The following KPNA6 variants were observed in gnomAD, a reference collection of about 807,000 sequenced individuals.
KPNA6 encodes the protein importin subunit alpha-7.
KPNA6 carries 9 observed loss-of-function variants against 72.0 expected under a neutral mutation model. The ratio of observed to expected loss-of-function variants is 0.13; its 90% CI spans 0.08 to 0.22. The LOEUF is 0.22. Among genes scored for constraint, KPNA6 ranks in the 10% least tolerant of loss-of-function variants. The pLI, the probability that KPNA6 is intolerant of heterozygous loss-of-function variation, is 1.00. For missense variants in KPNA6, 374 were observed against 655.7 expected (o/e 0.57, Z 4.69); for synonymous variants, 219 against 242.1 (o/e 0.90, Z 0.89).
intron 1 of KPNA6, among the ~76,000 whole-genome samples, chr1:32,121,837 G>A (rs1441590714): frequency 6.6e-6 from 1 of 151,668 alleles, no homozygotes; most frequent in African/African-American, 2.4e-5. Context: ...ACCGGGCGTG[G>A]TGGTGTGTAC....
chr1:32,114,230 A>T (rs1231982543), intron 1 of KPNA6, among the ~76,000 whole-genome samples: 4 of 152,068 alleles, frequency 2.6e-5, no homozygotes, highest in Non-Finnish European at 5.9e-5. Flanking sequence ...ACTTGAGGTC[A>T]GGAGTTCGAG....
chr1:32,174,958 C>T lies in KPNA6; in HGVS notation c.*4064C>T, dbSNP rs1488950919. 6.6e-6 allele frequency: 1 copy of T among 152,210 alleles called. No homozygotes were observed. Among genetic ancestry groups the T allele is most frequent in the African/African-American group, 2.4e-5 (1 of 41,446 alleles). 9.4% of individuals were successfully genotyped at this position (152,210 alleles called of 1,614,324 possible). A position where few individuals can be genotyped will look rare whatever the true frequency, so the allele number is the denominator to read the frequency against. On this transcript the variant is annotated 3_prime_UTR_variant, in exon 14 of 14. Transcript: ENST00000373625. ...AGTATGTTTTCTGTTTGAGCTTTTT[C>T]ATTCTTTTGTTAAGCCAACAAGTTG...
At chr1:32,130,222 A>ATTTTTTTTTTTTTTTTTTTT (rs55953899) in intron 1 of KPNA6, among the ~76,000 whole-genome samples, 13 of 103,138 alleles carry the variant, frequency 1.3e-4, no homozygotes, top group Non-Finnish European at 1.4e-4. Context: ...GTAGATAAAT[A>ATTTTTTTTTTTTTTTTTTTT]TTTTTTTTTT....
At chr1:32,158,202 GA>G in intron 4 of KPNA6, 64 bp from the exon 5 acceptor site, 1 of 1,005,244 alleles carries the variant, frequency 9.9e-7, no homozygotes, top group Non-Finnish European at 1.5e-6. Context: ...ATTGCAAGCT[GA>G]CCCCCATGAA....
intron 1 of KPNA6, among the ~76,000 whole-genome samples, chr1:32,114,867 G>GTC (rs1436643431): frequency 6.6e-6 from 1 of 152,180 alleles, no homozygotes; most frequent in Non-Finnish European, 1.5e-5. Context: ...TTGAGACAGT[G>GTC]TCTCACTCTG....
intron 4 of KPNA6, 99 bp downstream of exon 4, chr1:32,157,544 C>G (rs1642166009): frequency 1.3e-6 from 1 of 799,714 alleles, no homozygotes; most frequent in South Asian, 1.6e-5. Context: ...TCATTCTGCT[C>G]TAGCCCTACT....
intron 1 of KPNA6, among the ~76,000 whole-genome samples, chr1:32,138,177 A>G (rs987172398): frequency 1.3e-5 from 2 of 151,950 alleles, no homozygotes; most frequent in Admixed American, 1.3e-4. Context: ...ACTGGTTTAA[A>G]GAGAAAGTTG....
Position 32,167,157 on chromosome 1 carries a change from A to C in KPNA6, c.1117-12A>C. On this transcript the variant is annotated splice_polypyrimidine_tract_variant and intron_variant, in intron 11 of 13. Coordinates refer to ENST00000373625, the MANE Select transcript of KPNA6 (RefSeq NM_012316.5). Reference sequence around the variant, plus strand: ...TTCTCCTTCCATCTGCCTCCTCTCAATTCTCTCTCAGGCTGTTATAGATGC... The same window carrying C: ...TTCTCCTTCCATCTGCCTCCTCTCACTTCTCTCTCAGGCTGTTATAGATGC... 1 of 1,612,592 alleles carries C rather than the reference A, an allele frequency of 6.2e-7. No homozygotes were observed. Among genetic ancestry groups the C allele is most frequent in the South Asian group, 1.1e-5 (1 of 91,010 alleles).
rs547036352 is a variant in KPNA6 at position 32,141,687 on chromosome 1, G to C, written c.5-12901G>C. ...GTTGGGGTTACAGACATGAGCCACC[G>C]TGCCTGGCCTATTAAGTGAATCTTA... On this transcript the variant is annotated intron_variant, in intron 1 of 13. Transcript: ENST00000373625. Among the ~76,000 whole-genome samples the C allele has an allele frequency of 9.2e-5, 14 of 152,034 alleles. No homozygotes were observed. In the East Asian group the frequency reaches 2.3e-3, roughly 25 times the overall value.
At chr1:32,124,842 CTTAT>C (rs1320743708) in intron 1 of KPNA6, among the ~76,000 whole-genome samples, 8 of 150,466 alleles carry the variant, frequency 5.3e-5, no homozygotes, top group South Asian at 2.1e-4. Flanking sequence ...TTGCGTTTAA[CTTAT>C]TTATTTATTT....
Position 32,174,681 on chromosome 1 carries a change from A to G in KPNA6, c.*3787A>G, listed in dbSNP as rs1048447931. On this transcript the variant is annotated 3_prime_UTR_variant, in exon 14 of 14. Coordinates refer to ENST00000373625, the MANE Select transcript of KPNA6 (RefSeq NM_012316.5). ...ACTCTCAGCTGAAGACAGGGAGCCA[A>G]TTTCCCCCAGGTCCCTGCAGGTAAT... The G allele has an allele frequency of 8.5e-5, 13 of 152,128 alleles. No individual in the cohort carries two copies. Among genetic ancestry groups the G allele is most frequent in the African/African-American group, 1.4e-4 (6 of 41,408 alleles). 9.4% of individuals were successfully genotyped at this position (152,128 alleles called of 1,614,324 possible).
chr1:32,124,929 C>G (rs1335471112), intron 1 of KPNA6, among the ~76,000 whole-genome samples: 1 of 152,162 alleles, frequency 6.6e-6, no homozygotes, highest in East Asian at 1.9e-4. Context: ...ACTGCAACCT[C>G]CACCTCCCAG....
intron 3 of KPNA6, 112 bp downstream of exon 3, chr1:32,157,057 T>C (rs903051985): frequency 1.3e-6 from 1 of 749,608 alleles, no homozygotes; most frequent in Admixed American, 2.5e-5. Flanking sequence ...GACAAGTTCT[T>C]TCCTCTGTGG....
chr1:32,117,275 T>C (rs1641343405), intron 1 of KPNA6, among the ~76,000 whole-genome samples: 1 of 151,660 alleles, frequency 6.6e-6, no homozygotes, highest in Non-Finnish European at 1.5e-5. Context: ...CGGGTTCAAA[T>C]GATTCTCCTT....
At chr1:32,153,016 C>CAAAAAA (rs766574019) in intron 1 of KPNA6, among the ~76,000 whole-genome samples, 6 of 34,924 alleles carry the variant, frequency 1.7e-4, no homozygotes, top group South Asian at 1.1e-3. Flanking sequence ...GACTCCATCT[C>CAAAAAA]AAAAAAAAAA....
intron 1 of KPNA6, among the ~76,000 whole-genome samples, chr1:32,109,063 T>C (rs1569976683): frequency 6.6e-6 from 1 of 152,318 alleles, no homozygotes. Context: ...ATGCTACCAT[T>C]GCCATTTTAC....
chr1:32,138,291 A>G (rs572844112), intron 1 of KPNA6, among the ~76,000 whole-genome samples: 27 of 151,604 alleles, frequency 1.8e-4, no homozygotes, highest in African/African-American at 5.6e-4. Flanking sequence ...ATGACTGTCA[A>G]CCCAGCACTT....
At chr1:32,167,387 T>G in intron 12 of KPNA6, 91 bp downstream of exon 12, 1 of 1,454,584 alleles carries the variant, frequency 6.9e-7, no homozygotes, top group Non-Finnish European at 9.6e-7. Context: ...CTGCTCTTGC[T>G]CAGACAGGTC....
At chr1:32,164,966 C>G (rs1003667125) in intron 10 of KPNA6, among the ~76,000 whole-genome samples, 2 of 152,108 alleles carry the variant, frequency 1.3e-5, no homozygotes, top group African/African-American at 4.8e-5. Flanking sequence ...GATGCCATCT[C>G]GGCTCACTGC....
Sources: allele counts gnomAD v4.1 joint callset (sites outside exome capture counted in the v4.1 genomes callset), GRCh38; gene constraint gnomAD v4.1.1; transcripts MANE v1.5; gene names NCBI Gene and HGNC (gene_info 2026-07-23, HGNC 2026-07-21).